MUC17: variants seen among roughly 807,000 people sequenced by gnomAD.
MUC17 encodes mucin 17, cell surface associated, also known as mucin-17.
Under a neutral mutation model 170.3 loss-of-function variants are expected in MUC17, and 190 were observed. The observed-to-expected ratio is 1.12, with a 90% CI of 0.99 to 1.26. The LOEUF is 1.26. Among genes scored for constraint, MUC17 ranks in the 50% most tolerant of loss-of-function variants. The pLI is 0.00. For missense variants in MUC17, 6,415 were observed against 5,530.0 expected, an observed-to-expected ratio of 1.16 and a Z score of -5.08; for synonymous variants, 2,325 against 2,002.5, an observed-to-expected ratio of 1.16 and a Z score of -4.30.
At chr7:101,026,427 C>T (rs1794179776) in intron 1 of MUC17, among the ~76,000 whole-genome samples, 1 of 152,170 alleles carries the variant, frequency 6.6e-6, no homozygotes, top group Admixed American at 6.6e-5. Context: ...TCTTAGGTAG[C>T]CAACCCCAGC....
intron 9 of MUC17, among the ~76,000 whole-genome samples, chr7:101,052,327 AT>A (rs1794963431): frequency 6.6e-6 from 1 of 152,130 alleles, no homozygotes; most frequent in African/African-American, 2.4e-5. Context: ...ACACACCCAT[AT>A]GGGGAGTGGG....
At chr7:101,022,090 C>G (rs886225426) in intron 1 of MUC17, among the ~76,000 whole-genome samples, 1 of 152,174 alleles carries the variant, frequency 6.6e-6, no homozygotes, top group Non-Finnish European at 1.5e-5. Context: ...TTGCCCTCCC[C>G]CCATCCCTGT....
chr7:101,035,506 A>T lies in MUC17; in HGVS notation c.4090A>T (p.Asn1364Tyr). The T allele has an allele frequency of 6.3e-7, 1 of 1,596,520 alleles. No individual in the cohort carries two copies. Among genetic ancestry groups the T allele is most frequent in the South Asian group, 1.1e-5 (1 of 89,792 alleles). ...CATCCTTTCAACAACTCCTGTTGAC[A>T]ACAGCACACCTGTGACCACTTCTAC... ...ISILSTTPVD[N>Y]STPVTTSTEA... is the part of the protein sequence containing the mutation. The change falls in exon 3 of 13, where the codon AAC (asparagine) becomes TAC (tyrosine). Residue 1364 changes from asparagine (N) to tyrosine (Y), a missense_variant. Asn to Tyr is a moderately radical substitution (Grantham distance 143). Coordinates refer to ENST00000306151, the MANE Select transcript of MUC17 (RefSeq NM_001040105.2).
chr7:101,035,744 T>G lies in MUC17; in HGVS notation c.4328T>G (p.Ile1443Ser). The stretch of plus-strand genomic sequence containing the variant: ...TCATCTCCTACAACTGCTGAAGGTA[T>G]CAGCATACCAACCTCAACTCCTAGT... ...ATSSPTTAEG[I>S]SIPTSTPSEG... The change falls in exon 3 of 13, where the codon ATC becomes AGC. Residue 1443 changes from isoleucine (I) to serine (S), a missense_variant. By Grantham distance (142) the Ile-to-Ser change is moderately radical (BLOSUM62 -2). Transcript: ENST00000306151. 6.2e-7 allele frequency: 1 copy of G among 1,603,350 alleles called. No homozygotes were observed. Among genetic ancestry groups the G allele is most frequent in the Non-Finnish European group, 8.5e-7 (1 of 1,175,726 alleles).
Position 101,031,232 on chromosome 7 carries a change from A to G in MUC17, c.184+11A>G, listed in dbSNP as rs772208650. ...AGCACGTTAGGACAGGTAAGGCAAC[A>G]GACTCCAAGATCTATCTGGGAAGGT... On this transcript the variant is annotated intron_variant, in intron 2 of 12. Transcript: ENST00000306151. The G allele has an allele frequency of 7.5e-6, 12 of 1,609,444 alleles. No individual in the cohort carries two copies. The South Asian group carries it at 1.3e-4, about 18-fold the overall frequency.
chr7:101,047,095 A>AAAAT (rs57775219), intron 3 of MUC17, among the ~76,000 whole-genome samples: 2,666 of 146,928 alleles, frequency 0.018, 24 homozygotes, highest in African/African-American at 0.027. Context: ...AAAAAAAATT[A>AAAAT]AAATAAATAA....
chr7:101,032,314 G>C lies in MUC17; in HGVS notation c.898G>C (p.Ala300Pro). Reference protein sequence around the residue: ...SEASTLSTTPAATNIPVITST... With the variant: ...SEASTLSTTPPATNIPVITST... ...GGCTAGCACCCTTTCAACAACTCCT[G>C]CTGCCACCAACATTCCTGTGATCAC... The change falls in exon 3 of 13, where the codon GCT becomes CCT. Residue 300 changes from alanine (A) to proline (P), a missense_variant. Coordinates refer to ENST00000306151, the MANE Select transcript of MUC17 (RefSeq NM_001040105.2). 6.2e-7 allele frequency: 1 copy of C among 1,613,912 alleles called. No homozygotes were observed. The highest frequency in any genetic ancestry group is 1.1e-5 in the South Asian group (1 of 91,066).
rs1794724333 is a variant in MUC17, at chr7:101,041,994, C to G, written c.10578C>G (p.Thr3526=). The G allele has an allele frequency of 3.1e-6, 5 of 1,613,578 alleles. No homozygotes were observed. The highest frequency in any genetic ancestry group is 4.2e-6 in the Non-Finnish European group (5 of 1,179,668). The stretch of plus-strand genomic sequence containing the variant: ...CATTAACAAATATGCCTGTCAGCAC[C>G]ACACCGGTGGCCAGTTCTGAGGCTA... ...STPLTNMPVS[T]TPVASSEAST... is the part of the protein sequence containing the mutation. Residue 3526 remains threonine (T), a synonymous_variant, in exon 3 of 13, where the codon ACC becomes ACG. Transcript: ENST00000306151.
chr7:101,039,723 C>T lies in MUC17; in HGVS notation c.8307C>T (p.Ser2769=), dbSNP rs748164641. 1.2e-6 allele frequency: 2 copies of T among 1,610,870 alleles called. No homozygotes were observed. Among genetic ancestry groups the T allele is most frequent in the South Asian group, 2.2e-5 (2 of 90,922 alleles). Reference sequence around the variant, plus strand: ...TGCCAGTGGCCAGTTCTGAGGCTAGCACCGTTTCAACAACTGCTGTTGACA... The same window carrying T: ...TGCCAGTGGCCAGTTCTGAGGCTAGTACCGTTTCAACAACTGCTGTTGACA... The part of the protein sequence containing the change: ...STLPVASSEA[S]TVSTTAVDTS... The change falls in exon 3 of 13, where the codon AGC becomes AGT. Residue 2769 remains serine, a synonymous_variant. Transcript: ENST00000306151.
chr7:101,045,849 G>A (rs1160799552), intron 3 of MUC17, among the ~76,000 whole-genome samples: 1 of 152,168 alleles, frequency 6.6e-6, no homozygotes, highest in African/African-American at 2.4e-5. Context: ...CACGACAAAG[G>A]CCAGGTGGCT....
At chr7:101,050,418 C>T in intron 6 of MUC17, 66 bp from the exon 7 acceptor site, 2 of 1,560,250 alleles carry the variant, frequency 1.3e-6, no homozygotes, top group Non-Finnish European at 1.7e-6. Flanking sequence ...GTGAAGCTTG[C>T]CTGGTACAGA....
intron 9 of MUC17, 25 bp downstream of exon 9, chr7:101,051,987 G>A: frequency 6.3e-7 from 1 of 1,598,992 alleles, no homozygotes; most frequent in Middle Eastern, 1.8e-4. Flanking sequence ...ATCTCCTCCA[G>A]CCCAGCCCAG....
chr7:101,029,081 G>C (rs916528894), intron 1 of MUC17, among the ~76,000 whole-genome samples: 1 of 151,714 alleles, frequency 6.6e-6, no homozygotes, highest in South Asian at 2.1e-4. Flanking sequence ...CCAGCTACTC[G>C]GGAGGCTGAG....
rs148921842 is a variant in MUC17 at position 101,057,184 on chromosome 7, T to G, written c.13441-819T>G. Reference sequence around the variant, plus strand: ...CTTCAACAAGTATATAACATCAGGTTTTCCCCTCATGATTAAGGCCGAGAT... The same window carrying G: ...CTTCAACAAGTATATAACATCAGGTGTTCCCCTCATGATTAAGGCCGAGAT... On this transcript the variant is annotated intron_variant, in intron 12 of 12. Transcript: ENST00000306151. Among the ~76,000 whole-genome samples, 265 of 152,318 alleles carry G rather than the reference T, an allele frequency of 1.7e-3. 5 individuals are homozygous for G. The highest frequency in any genetic ancestry group is 5.9e-3 in the African/African-American group (247 of 41,562).
At position 101,035,596 on chromosome 7, in the gene MUC17, G is replaced by A. The variant is rs760122109; in HGVS notation, c.4180G>A (p.Gly1394Arg). 1.9e-6 allele frequency: 3 copies of A among 1,613,276 alleles called. No homozygotes were observed. The Admixed American group carries it at 5.0e-5, about 27-fold the overall frequency. Residue 1394 changes from glycine to arginine, a missense_variant, in exon 3 of 13, where the codon GGA (glycine) becomes AGA (arginine). By Grantham distance (125) the Gly-to-Arg change is moderately radical. Coordinates refer to ENST00000306151, the MANE Select transcript of MUC17 (RefSeq NM_001040105.2). ...CATGCCAAACTCAAATCCTAGTGAA[G>A]GAACCACTCCGTTAACAAGTATACC... is the stretch of plus-strand genomic sequence containing the variant. ...TSMPNSNPSE[G>R]TTPLTSIPVS... is the part of the protein sequence containing the mutation.
intron 1 of MUC17, among the ~76,000 whole-genome samples, chr7:101,025,609 T>C (rs932898434): frequency 6.6e-6 from 1 of 152,082 alleles, no homozygotes; most frequent in East Asian, 1.9e-4. Context: ...CTGGCCAACA[T>C]GGTGAAACCC....
Position 101,020,156 on chromosome 7 carries a change from G to A in MUC17, c.21G>A (p.Met7Ile). MPRPGTMALCLLTLVLS... is the reference protein window; with the variant it reads MPRPGTIALCLLTLVLS... ...CTCCGATGCCAAGGCCAGGGACCAT[G>A]GCGCTGTGTCTGCTGACCTTGGTCC... The change falls in exon 1 of 13, where the codon ATG (methionine) becomes ATA (isoleucine). Residue 7 changes from methionine to isoleucine, a missense_variant. Coordinates refer to ENST00000306151, the MANE Select transcript of MUC17 (RefSeq NM_001040105.2). The A allele has an allele frequency of 1.2e-6, 2 of 1,607,832 alleles. No individual in the cohort carries two copies. The highest frequency in any genetic ancestry group is 2.3e-5 in the East Asian group (1 of 44,406).
intron 7 of MUC17, among the ~76,000 whole-genome samples, chr7:101,051,168 C>T (rs1794934431): frequency 6.6e-6 from 1 of 151,824 alleles, no homozygotes. Flanking sequence ...GAGTTCGAAA[C>T]CAGCCTGGTC....
chr7:101,026,029 C>T (rs990022535), intron 1 of MUC17, among the ~76,000 whole-genome samples: 2 of 152,200 alleles, frequency 1.3e-5, no homozygotes, highest in African/African-American at 4.8e-5. Context: ...GAACTGAGTG[C>T]TTGCTGTGTG....
Sources: allele counts gnomAD v4.1 joint callset (sites outside exome capture counted in the v4.1 genomes callset), GRCh38; gene constraint gnomAD v4.1.1; transcripts MANE v1.5; gene names NCBI Gene and HGNC (gene_info 2026-07-23, HGNC 2026-07-21).